Variants in KIAA1217 observed in about 807,000 individuals in gnomAD.
The protein encoded by KIAA1217 is KIAA1217.
Under a neutral mutation model 163.9 loss-of-function variants are expected in KIAA1217, and 88 were observed. The observed-to-expected ratio is 0.54, with a 90% CI of 0.45 to 0.64. The LOEUF (loss-of-function observed/expected upper bound fraction) is 0.64. Ranked by LOEUF, KIAA1217 falls within the 30% of genes least tolerant of loss-of-function variation. The pLI is 0.00. For synonymous variants in KIAA1217, 903 were observed against 923.1 expected, an observed-to-expected ratio of 0.98 and a Z score of 0.39; for missense variants, 2,372 against 2,475.0, an observed-to-expected ratio of 0.96 and a Z score of 0.88.
intron 1 of KIAA1217, among the ~76,000 whole-genome samples, chr10:23,786,992 A>T (rs969815966): frequency 6.6e-6 from 1 of 152,202 alleles, no homozygotes; most frequent in African/African-American, 2.4e-5. Flanking sequence ...TGGACATTTT[A>T]AAAAATGTTA....
chr10:24,520,263 C>A lies in KIAA1217; in HGVS notation c.2308+10C>A. 1 of 1,613,960 alleles carries A rather than the reference C, an allele frequency of 6.2e-7. No individual in the cohort carries two copies. The highest frequency in any genetic ancestry group is 8.5e-7 in the Non-Finnish European group (1 of 1,179,892). On this transcript the variant is annotated intron_variant, in intron 11 of 20. Coordinates refer to ENST00000376454, the MANE Select transcript of KIAA1217 (RefSeq NM_019590.5). ...GTAGCTACCCTGAAAGGTAAACTTTCTGCTGGGTCGGGGGAGGAGTCTGAG... is the reference window on the plus strand; with the variant it reads ...GTAGCTACCCTGAAAGGTAAACTTTATGCTGGGTCGGGGGAGGAGTCTGAG...
rs542280288 is a variant in KIAA1217, at chr10:24,088,274, T to C, written c.-171+80900T>C. ...TAATATACATATATATATATATATA[T>C]ACACACATATATGTGTATATATATA... is the stretch of plus-strand genomic sequence containing the variant. On this transcript the variant is annotated intron_variant, in intron 2 of 18. Coordinates refer to the KIAA1217 transcript ENST00000376462. Among the ~76,000 whole-genome samples, 644 of 107,224 alleles carry C rather than the reference T, an allele frequency of 6.0e-3. 164 individuals are homozygous for C. The highest frequency in any genetic ancestry group is 9.3e-3 in the Non-Finnish European group (425 of 45,836). 70.3% of individuals were successfully genotyped at this position (107,224 alleles called of 152,430 possible). A position where few individuals can be genotyped will look rare whatever the true frequency, so the allele number is the denominator to read the frequency against.
intron 1 of KIAA1217, among the ~76,000 whole-genome samples, chr10:23,874,896 G>T (rs1010280814): frequency 4.6e-5 from 7 of 152,044 alleles, no homozygotes; most frequent in African/African-American, 1.7e-4. Context: ...TTTGCAGTTT[G>T]TCAGGCTGTG....
In KIAA1217 at chr10:24,278,915, G is replaced by A. The variant is rs191213212; in HGVS notation, c.354+59006G>A. ...TCTGTTGCTCAGGCTGGAGTGCAGC[G>A]GCCCAATCTCAGCTCACTGCAACCT... On this transcript the variant is annotated intron_variant, in intron 2 of 20. Transcript: ENST00000376454. 8.6e-4 allele frequency among the ~76,000 whole-genome samples: 128 copies of A among 149,706 alleles called. 1 individual carries two copies. Among genetic ancestry groups the A allele is most frequent in the African/African-American group, 3.0e-3 (123 of 40,620 alleles).
rs12252313 is a variant in KIAA1217 at position 24,145,105 on chromosome 10, T to C, written c.-170-74521T>C. 3.0e-3 allele frequency among the ~76,000 whole-genome samples: 462 copies of C among 152,344 alleles called. 1 individual carries two copies. The highest frequency in any genetic ancestry group is 0.011 in the African/African-American group (437 of 41,578). ...TTAAAGGTCCTGTTTCAGGGTTGCA[T>C]AGAGAGAAGAATGCAAACAAAGTCT... On this transcript the variant is annotated intron_variant, in intron 2 of 18. Coordinates refer to the KIAA1217 transcript ENST00000376462.
At chr10:24,314,966 TAATAA>T (rs1299197229) in intron 2 of KIAA1217, among the ~76,000 whole-genome samples, 1 of 151,834 alleles carries the variant, frequency 6.6e-6, no homozygotes, top group Non-Finnish European at 1.5e-5. Context: ...AATAATAAAA[TAATAA>T]AATAAACCCA....
At chr10:24,087,107 C>G (rs1199736920) in intron 2 of KIAA1217, among the ~76,000 whole-genome samples, 1 of 152,138 alleles carries the variant, frequency 6.6e-6, no homozygotes, top group Non-Finnish European at 1.5e-5. Context: ...AGGAAAATCT[C>G]TAACACCAAT....
At chr10:23,958,352 G>A (rs897239272) in intron 1 of KIAA1217, among the ~76,000 whole-genome samples, 10 of 152,126 alleles carry the variant, frequency 6.6e-5, no homozygotes, top group African/African-American at 2.4e-4. Context: ...CAAAAAATTG[G>A]GGCAAGCACA....
chr10:24,442,674 G>A (rs1465508086), intron 5 of KIAA1217, among the ~76,000 whole-genome samples: 1 of 152,096 alleles, frequency 6.6e-6, no homozygotes, highest in Non-Finnish European at 1.5e-5. Context: ...ACATGCATGT[G>A]TGCCTGTGTG....
intron 1 of KIAA1217, among the ~76,000 whole-genome samples, chr10:23,977,094 T>C (rs1319638085): frequency 6.6e-6 from 1 of 152,182 alleles, no homozygotes; most frequent in Non-Finnish European, 1.5e-5. Flanking sequence ...ATGATGAGTA[T>C]CCTTAAAAAA....
intron 2 of KIAA1217, among the ~76,000 whole-genome samples, chr10:24,286,147 T>C (rs980442638): frequency 6.6e-6 from 1 of 152,172 alleles, no homozygotes; most frequent in African/African-American, 2.4e-5. Flanking sequence ...GAATTGTGTA[T>C]CTTTTCATAT....
intron 2 of KIAA1217, among the ~76,000 whole-genome samples, chr10:24,132,227 T>A (rs887605606): frequency 1.3e-5 from 2 of 152,092 alleles, no homozygotes; most frequent in Non-Finnish European, 2.9e-5. Context: ...CAGTCCCACC[T>A]AACTGCAAGG....
upstream of KIAA1217, among the ~76,000 whole-genome samples, chr10:24,205,593 G>A (rs2067512305): frequency 6.6e-6 from 1 of 151,830 alleles, no homozygotes; most frequent in Non-Finnish European, 1.5e-5. Context: ...CTAACACGGT[G>A]AAACCCCATC....
At chr10:23,810,807 C>T (rs1320757300) in intron 1 of KIAA1217, among the ~76,000 whole-genome samples, 2 of 122,058 alleles carry the variant, frequency 1.6e-5, no homozygotes, top group East Asian at 2.3e-4. Context: ...TTATAATTAC[C>T]AAATACTAAT....
At chr10:23,740,468 C>G (rs1839045213) in intron 1 of KIAA1217, among the ~76,000 whole-genome samples, 1 of 152,120 alleles carries the variant, frequency 6.6e-6, no homozygotes, top group Admixed American at 6.5e-5. Context: ...AAGCAATCCT[C>G]TAGCCTCAGC....
chr10:23,948,349 AAAG>A (rs1433023647), intron 1 of KIAA1217, among the ~76,000 whole-genome samples: 2 of 152,208 alleles, frequency 1.3e-5, no homozygotes, highest in African/African-American at 4.8e-5. Flanking sequence ...AAAACAATAC[AAAG>A]AAGATTACTT....
chr10:23,754,607 T>C (rs1889781), intron 1 of KIAA1217, among the ~76,000 whole-genome samples: 39,749 of 152,146 alleles, frequency 0.26, 5,510 homozygotes, highest in African/African-American at 0.34. Context: ...GCTGCTGCCT[T>C]CATAGCTTCT....
chr10:24,402,996 T>C (rs2056764458), intron 3 of KIAA1217, among the ~76,000 whole-genome samples: 1 of 152,158 alleles, frequency 6.6e-6, no homozygotes. Context: ...CATATGGTAC[T>C]GAAGAAATGG....
chr10:24,205,697 C>T (rs190294358), upstream of KIAA1217, among the ~76,000 whole-genome samples: 3 of 151,584 alleles, frequency 2.0e-5, no homozygotes, highest in Non-Finnish European at 2.9e-5. Flanking sequence ...CACCTGAACC[C>T]AGAAGGTGGA....
Sources: gnomAD v4.1 joint callset for allele counts (sites outside exome capture counted in the v4.1 genomes callset) on GRCh38, gnomAD v4.1.1 for gene constraint, MANE v1.5 for transcripts, NCBI Gene and HGNC (gene_info 2026-07-23, HGNC 2026-07-21) for gene names.